The following GPAM variants were observed in gnomAD, a reference collection of about 807,000 sequenced individuals.
GPAM encodes the protein glycerol-3-phosphate acyltransferase, mitochondrial.
Under a neutral mutation model 105.0 loss-of-function variants are expected in GPAM, and 56 were observed. The observed-to-expected ratio is 0.53, with a 90% confidence interval of 0.43 to 0.67. GPAM has a LOEUF of 0.67. Among genes scored for constraint, GPAM ranks in the 30% least tolerant of loss-of-function variants. The pLI is 0.00. For synonymous variants in GPAM, 368 were observed against 354.4 expected (o/e 1.04, Z -0.43); for missense variants, 855 against 989.8 (o/e 0.86, Z 1.83).
intron 21 of GPAM, chr10:112,153,972 A>G (rs563796860): frequency 3.1e-6 from 1 of 326,680 alleles, no homozygotes; most frequent in Non-Finnish European, 5.8e-6. Flanking sequence ...AAAGTCACAA[A>G]CAGTCCCTCA....
At position 112,149,936 on chromosome 10, in the gene GPAM, A is replaced by G; in HGVS notation, c.*3614T>C. 1 of 985,800 alleles carries G rather than the reference A, an allele frequency of 1.0e-6. No homozygotes were observed. Among genetic ancestry groups the G allele is most frequent in the African/African-American group, 1.7e-5 (1 of 57,376 alleles). 61.1% of individuals were successfully genotyped at this position (985,800 alleles called of 1,614,324 possible). ...TTCTTGCAATACACTAACAAGCATA[A>G]AAATCAATCAGCATTTCCAAGTATG... On this transcript the variant is annotated 3_prime_UTR_variant, in exon 22 of 22. Transcript: ENST00000348367.
At chr10:112,200,167 A>AATATATATATATATAT (rs10528337) in intron 1 of GPAM, among the ~76,000 whole-genome samples, 19 of 87,174 alleles carry the variant, frequency 2.2e-4, no homozygotes, top group Non-Finnish European at 2.7e-4. Context: ...TTGTAAAGGA[A>AATATATATATATATAT]ATATATATAT....
Position 112,160,767 on chromosome 10 carries a change from T to G in GPAM, c.1596A>C (p.Val532=). 6.2e-7 allele frequency: 1 copy of G among 1,614,092 alleles called. No homozygotes were observed. The highest frequency in any genetic ancestry group is 2.2e-5 in the East Asian group (1 of 44,876). Reference sequence around the variant, plus strand: ...CCAGCAGCTGTATGGCATGCATTACTACATCTTCTGAATTTCCTGAGAACC... The same window carrying G: ...CCAGCAGCTGTATGGCATGCATTACGACATCTTCTGAATTTCCTGAGAACC... ...DLGFSGNSED[V]VMHAIQLLGN... is the part of the protein sequence containing the mutation. Residue 532 remains valine, a synonymous_variant, in exon 16 of 22, where the codon GTA becomes GTC. Coordinates refer to ENST00000348367, the MANE Select transcript of GPAM (RefSeq NM_001244949.2).
chr10:112,164,201 A>G (rs1438818975), intron 13 of GPAM, among the ~76,000 whole-genome samples: 1 of 152,370 alleles, frequency 6.6e-6, no homozygotes, highest in Non-Finnish European at 1.5e-5. Flanking sequence ...AAATTCAAAC[A>G]GCAAAATTCT....
upstream of GPAM, among the ~76,000 whole-genome samples, chr10:112,218,178 T>C (rs547762767): frequency 5.4e-4 from 82 of 152,344 alleles, no homozygotes; most frequent in African/African-American, 1.9e-3. Context: ...TGCAGCTGCC[T>C]GGCTTGTTCA....
At chr10:112,181,947 G>T (rs77380965) in intron 2 of GPAM, 134 bp from the exon 3 acceptor site, 9,611 of 622,348 alleles carry the variant, frequency 0.015, 215 homozygotes, top group East Asian at 0.082. Context: ...ACCATGTTGA[G>T]TCACAAGGTA....
intron 1 of GPAM, chr10:112,214,316 T>C (rs1396156412): frequency 6.6e-6 from 1 of 152,214 alleles, no homozygotes; most frequent in Non-Finnish European, 1.5e-5. Flanking sequence ...AATACTGACA[T>C]ACCGTAAAAA....
At chr10:112,218,263 G>A (rs1847990315), upstream of GPAM, among the ~76,000 whole-genome samples, 1 of 152,194 alleles carries the variant, frequency 6.6e-6, no homozygotes, top group African/African-American at 2.4e-5. Flanking sequence ...GCCATACAGA[G>A]CAGGGGCACA....
chr10:112,180,941 C>T (rs1313419796), intron 3 of GPAM, among the ~76,000 whole-genome samples: 1 of 152,132 alleles, frequency 6.6e-6, no homozygotes, highest in Non-Finnish European at 1.5e-5. Context: ...ATCACACAGT[C>T]GCACTACAGA....
chr10:112,199,088 A>AGTGTGT (rs1564689388), intron 1 of GPAM, among the ~76,000 whole-genome samples: 3 of 88,948 alleles, frequency 3.4e-5, no homozygotes, highest in African/African-American at 8.3e-5. Flanking sequence ...ACGCCTGGCT[A>AGTGTGT]ATGTGTGTGT....
At chr10:112,191,008 G>A (rs1009688449) in intron 1 of GPAM, among the ~76,000 whole-genome samples, 6 of 152,178 alleles carry the variant, frequency 3.9e-5, no homozygotes, top group South Asian at 2.1e-4. Flanking sequence ...CAAACATCAC[G>A]GCTTATAATA....
At chr10:112,186,155 C>T (rs1293940611), upstream of GPAM, among the ~76,000 whole-genome samples, 4 of 151,856 alleles carry the variant, frequency 2.6e-5, no homozygotes, top group Non-Finnish European at 5.9e-5. Flanking sequence ...AAAGACATTA[C>T]TGTACAGAGG....
intron 5 of GPAM, among the ~76,000 whole-genome samples, chr10:112,177,409 C>T (rs1049252144): frequency 6.6e-6 from 1 of 152,200 alleles, no homozygotes; most frequent in Non-Finnish European, 1.5e-5. Flanking sequence ...GACATTCACA[C>T]AACCTTTCGA....
In GPAM at chr10:112,154,678, G is replaced by A. The variant is rs1328286003; in HGVS notation, c.2321C>T (p.Ala774Val). 2 of 1,605,306 alleles carry A rather than the reference G, an allele frequency of 1.2e-6. No individual in the cohort carries two copies. Among genetic ancestry groups the A allele is most frequent in the Admixed American group, 3.3e-5 (2 of 60,006 alleles). Residue 774 changes from alanine to valine, a missense_variant, in exon 21 of 22, where the codon GCC becomes GTC. Physicochemically the swap from Ala to Val is moderately conservative, Grantham distance 64. Transcript: ENST00000348367. Reference protein sequence around the residue: ...ERNVAVYAESATYCLVKNAVK... With the variant: ...ERNVAVYAESVTYCLVKNAVK... ...AGCATTCTTCACAAGACAATATGTG[G>A]CACTCTCAGCTGAAGAGAGAGAATA... is the stretch of plus-strand genomic sequence containing the variant.
chr10:112,154,344 G>A (rs1846976509), intron 21 of GPAM: 1 of 472,348 alleles, frequency 2.1e-6, no homozygotes, highest in South Asian at 2.6e-5. Flanking sequence ...TATTCAACCT[G>A]TAGCACCTTG....
Position 112,163,921 on chromosome 10 carries a change from T to A in GPAM, c.1308-105A>T, listed in dbSNP as rs1847169880. The A allele has an allele frequency of 8.5e-6, 6 of 705,600 alleles. No homozygotes were observed. The South Asian group carries it at 9.1e-5, about 11-fold the overall frequency. The allele number at this position is 705,600 out of a possible 1,614,324, so 43.7% of individuals were successfully genotyped here. ...TAGATACTTTAAATTACTATATATT[T>A]TAAATTTAAACCACAAACAGATTAT... On this transcript the variant is annotated intron_variant, in intron 13 of 21. Coordinates refer to ENST00000348367, the MANE Select transcript of GPAM (RefSeq NM_001244949.2).
intron 11 of GPAM, among the ~76,000 whole-genome samples, 170 bp from the exon 12 acceptor site, chr10:112,166,685 C>T (rs190468761): frequency 2.0e-5 from 3 of 152,228 alleles, no homozygotes; most frequent in Non-Finnish European, 2.9e-5. Flanking sequence ...TGTCAGAAAA[C>T]GTTTAGTATT....
the GPAM span, among the ~76,000 whole-genome samples, chr10:112,220,485 T>A: frequency 6.6e-6 from 1 of 151,156 alleles, no homozygotes; most frequent in South Asian, 2.1e-4. Flanking sequence ...TATATTCATA[T>A]GCATGTATCT....
chr10:112,181,789 C>T lies in GPAM; in HGVS notation c.-5G>A, dbSNP rs747355218. On this transcript the variant is annotated 5_prime_UTR_variant, in exon 3 of 22. In the 5' UTR this introduces an upstream ATG that the reference lacks. Coordinates refer to ENST00000348367, the MANE Select transcript of GPAM (RefSeq NM_001244949.2). ...GGTCAGTGCAGATTCATCCATGTCA[C>T]AAAGTGTAATTCCCAAATCATGTGC... 3 of 1,523,798 alleles carry T rather than the reference C, an allele frequency of 2.0e-6. No homozygotes were observed. The highest frequency in any genetic ancestry group is 1.7e-4 in the Middle Eastern group (1 of 5,896). The allele number at this position is 1,523,798 out of a possible 1,614,324, so 94.4% of individuals were successfully genotyped here. A position where few individuals can be genotyped will look rare whatever the true frequency, so the allele number is the denominator to read the frequency against.
Sources: gnomAD v4.1 joint callset for allele counts (sites outside exome capture counted in the v4.1 genomes callset) on GRCh38, gnomAD v4.1.1 for gene constraint, MANE v1.5 for transcripts, NCBI Gene and HGNC (gene_info 2026-07-23, HGNC 2026-07-21) for gene names.